NRG1: variants seen among roughly 807,000 people sequenced by gnomAD.
NRG1 encodes pro-neuregulin-1, membrane-bound isoform.
In NRG1, 18 loss-of-function variants were observed where a neutral mutation model predicts 63.8. The observed-to-expected ratio is 0.28, with a 90% CI of 0.19 to 0.42. The LOEUF (loss-of-function observed/expected upper bound fraction) is 0.42, where lower values mean the gene tolerates loss of function less well. Ranked by LOEUF, NRG1 falls within the 10% of genes least tolerant of loss-of-function variation. NRG1 has a pLI of 1.00. For missense variants in NRG1, 762 were observed against 814.7 expected, an observed-to-expected ratio of 0.94 and a Z score of 0.79; for synonymous variants, 302 against 301.3, an observed-to-expected ratio of 1.00 and a Z score of -0.02.
intron 1 of NRG1, among the ~76,000 whole-genome samples, chr8:31,834,329 A>ACACACG (rs1825492159): frequency 6.6e-6 from 1 of 150,670 alleles, no homozygotes; most frequent in East Asian, 1.9e-4. Context: ...ACACACACAC[A>ACACACG]CGCACACCAA....
At chr8:32,307,607 G>A (rs1856356127) in intron 1 of NRG1, among the ~76,000 whole-genome samples, 1 of 151,792 alleles carries the variant, frequency 6.6e-6, no homozygotes, top group African/African-American at 2.4e-5. Context: ...GTGTGTGTGT[G>A]TGTGTGTGTG....
chr8:31,904,720 AG>A (rs1832381036), intron 1 of NRG1, among the ~76,000 whole-genome samples: 1 of 152,198 alleles, frequency 6.6e-6, no homozygotes, highest in Non-Finnish European at 1.5e-5. Flanking sequence ...GATCATGCCC[AG>A]TGCAGGAACA....
intron 5 of NRG1, among the ~76,000 whole-genome samples, chr8:32,681,960 T>G (rs1211234257): frequency 6.6e-6 from 1 of 152,176 alleles, no homozygotes; most frequent in Admixed American, 6.5e-5. Flanking sequence ...ATACATTCTT[T>G]AAGTACCTAT....
At chr8:31,806,954 G>C (rs1356607885) in intron 1 of NRG1, among the ~76,000 whole-genome samples, 2 of 152,164 alleles carry the variant, frequency 1.3e-5, no homozygotes, top group East Asian at 3.9e-4. Flanking sequence ...TGTTGGCAAA[G>C]GTTCTATAAA....
intron 1 of NRG1, among the ~76,000 whole-genome samples, chr8:31,899,348 A>G (rs1334165074): frequency 3.3e-5 from 5 of 151,974 alleles, no homozygotes; most frequent in African/African-American, 1.2e-4. Flanking sequence ...GCCTCTTGTA[A>G]CCATCCTTCT....
chr8:32,138,576 T>A (rs1040840454), intron 1 of NRG1, among the ~76,000 whole-genome samples: 2 of 152,070 alleles, frequency 1.3e-5, no homozygotes, highest in African/African-American at 4.8e-5. Context: ...TTTCTTTTTT[T>A]TTGAGACAGG....
At chr8:32,762,059 A>AACAAAC (rs1554668852) in intron 11 of NRG1, among the ~76,000 whole-genome samples, 3,857 of 147,786 alleles carry the variant, frequency 0.026, 290 homozygotes, top group African/African-American at 0.097. Context: ...AAAAAAAAAA[A>AACAAAC]ACATTCTGGA....
At chr8:31,722,667 C>G (rs1235548605) in intron 1 of NRG1, among the ~76,000 whole-genome samples, 1 of 152,056 alleles carries the variant, frequency 6.6e-6, no homozygotes, top group Non-Finnish European at 1.5e-5. Flanking sequence ...TCAAACATGA[C>G]CAAGACTGTT....
chr8:32,111,532 C>G (rs184616506), intron 1 of NRG1, among the ~76,000 whole-genome samples: 133 of 152,314 alleles, frequency 8.7e-4, no homozygotes, highest in Middle Eastern at 3.4e-3. Context: ...TTTTGCTTGT[C>G]TAGCAGACTT....
chr8:31,922,401 C>T (rs1035306511), intron 1 of NRG1, among the ~76,000 whole-genome samples: 1 of 152,132 alleles, frequency 6.6e-6, no homozygotes, highest in African/African-American at 2.4e-5. Flanking sequence ...CCAAAATATA[C>T]ATCAATAAAT....
chr8:32,277,646 C>A (rs566170786), intron 1 of NRG1, among the ~76,000 whole-genome samples: 3 of 152,120 alleles, frequency 2.0e-5, no homozygotes, highest in African/African-American at 4.8e-5. Flanking sequence ...ATTTTGCCCC[C>A]CATCAAGGGA....
chr8:31,830,554 C>T (rs535355372), intron 1 of NRG1, among the ~76,000 whole-genome samples: 1 of 152,244 alleles, frequency 6.6e-6, no homozygotes, highest in Admixed American at 6.5e-5. Context: ...TTGATTTCAG[C>T]TGAGGTTTGC....
At chr8:32,490,573 G>A (rs1372056108) in intron 1 of NRG1, among the ~76,000 whole-genome samples, 1 of 152,078 alleles carries the variant, frequency 6.6e-6, no homozygotes, top group Non-Finnish European at 1.5e-5. Flanking sequence ...GGTATCATTG[G>A]TATTAAATAT....
intron 1 of NRG1, among the ~76,000 whole-genome samples, chr8:31,712,944 A>G (rs573904166): frequency 4.0e-5 from 6 of 151,546 alleles, no homozygotes; most frequent in African/African-American, 1.2e-4. Flanking sequence ...GAATCAATCA[A>G]TCAATCAATC....
chr8:31,801,003 C>A (rs2131719885), intron 1 of NRG1, among the ~76,000 whole-genome samples: 1 of 94,932 alleles, frequency 1.1e-5, no homozygotes, highest in African/African-American at 3.6e-5. Context: ...ACCACGCCCG[C>A]CAATTTTTTT....
intron 5 of NRG1, among the ~76,000 whole-genome samples, chr8:32,662,690 T>A (rs2128877294): frequency 6.6e-6 from 1 of 152,238 alleles, no homozygotes; most frequent in South Asian, 2.1e-4. Flanking sequence ...CTGAATATAT[T>A]TTGAAGATAG....
At chr8:32,075,923 T>G (rs964889412) in intron 1 of NRG1, among the ~76,000 whole-genome samples, 2 of 151,746 alleles carry the variant, frequency 1.3e-5, no homozygotes, top group Non-Finnish European at 2.9e-5. Flanking sequence ...TCCGCCCACC[T>G]TGGCCTCCCA....
At chr8:32,499,155 C>T (rs1827565235) in intron 1 of NRG1, among the ~76,000 whole-genome samples, 1 of 152,184 alleles carries the variant, frequency 6.6e-6, no homozygotes, top group Non-Finnish European at 1.5e-5. Context: ...AACCAGGCTC[C>T]TAGTACTGGA....
intron 1 of NRG1, among the ~76,000 whole-genome samples, chr8:31,655,456 AG>A (rs1306965842): frequency 1.6e-4 from 24 of 152,314 alleles, no homozygotes; most frequent in African/African-American, 5.3e-4. Context: ...AGGAGGGGAA[AG>A]GAGGAGAGGA....
Sources: gnomAD v4.1 joint callset for allele counts (sites outside exome capture counted in the v4.1 genomes callset) on GRCh38, gnomAD v4.1.1 for gene constraint, MANE v1.5 for transcripts, NCBI Gene and HGNC (gene_info 2026-07-23, HGNC 2026-07-21) for gene names.